LRP6: variants seen among roughly 807,000 people sequenced by gnomAD.
LRP6 encodes LDL receptor related protein 6, also known as low-density lipoprotein receptor-related protein 6.
Under a neutral mutation model 184.1 loss-of-function variants are expected in LRP6, and 43 were observed. The ratio of observed to expected loss-of-function variants is 0.23; its 90% confidence interval spans 0.18 to 0.30. The LOEUF (loss-of-function observed/expected upper bound fraction) is 0.30. LRP6 is among the 10% of genes least tolerant of loss of function. The pLI is 1.00. For missense variants in LRP6, 1,571 were observed against 2,005.3 expected (o/e 0.78, Z 4.14); for synonymous variants, 719 against 684.9 (o/e 1.05, Z -0.78).
intron 2 of LRP6, among the ~76,000 whole-genome samples, chr12:12,218,666 T>C (rs970961984): frequency 6.6e-6 from 1 of 151,768 alleles, no homozygotes; most frequent in Non-Finnish European, 1.5e-5. Context: ...TTATAACTTT[T>C]TAAAAAAGGA....
chr12:12,192,354 C>A (rs575528008), intron 3 of LRP6, among the ~76,000 whole-genome samples: 3 of 142,370 alleles, frequency 2.1e-5, no homozygotes, highest in Admixed American at 7.0e-5. Flanking sequence ...ATACAAAGGA[C>A]AAAGGAACAA....
chr12:12,149,017 T>A lies in LRP6; in HGVS notation c.3131A>T (p.Asp1044Val), dbSNP rs775619699. 1.6e-5 allele frequency: 26 copies of A among 1,614,048 alleles called. No homozygotes were observed. The highest frequency in any genetic ancestry group is 2.1e-5 in the Non-Finnish European group (25 of 1,180,002). The change falls in exon 14 of 23, where the codon GAT becomes GTT. Residue 1044 changes from aspartate to valine, a missense_variant. Asp to Val is a radical substitution (Grantham distance 152). This residue lies in a region of LRP6 where 763 missense variants were observed against 859.5 expected (regional missense o/e 0.89). Coordinates refer to ENST00000261349, the MANE Select transcript of LRP6 (RefSeq NM_002336.3). ...ATNVINVTRL[D>V]GRSVGVVLKG... ...CAGCACCACTCCAACTGATCTCCCA[T>A]CTAATCTTGTCACATTAATGACATT...
rs76493987 is a variant in LRP6, at chr12:12,195,546, G to C, written c.647+7657C>G. On this transcript the variant is annotated intron_variant, in intron 3 of 22. Transcript: ENST00000261349. ...ATTTCCCCATTTTTTAACCAAACTG[G>C]TTTTTTGCTGTTGAACTGTTTGAGT... Among the ~76,000 whole-genome samples the C allele has an allele frequency of 8.2e-3, 1,247 of 151,888 alleles. 9 individuals carry two copies. The highest frequency in any genetic ancestry group is 0.028 in the African/African-American group (1,181 of 41,476).
chr12:12,232,132 C>T (rs548818250), intron 2 of LRP6, among the ~76,000 whole-genome samples: 37 of 151,926 alleles, frequency 2.4e-4, no homozygotes, highest in African/African-American at 8.9e-4. Context: ...GACTGTAATC[C>T]CAGCACTTTA....
At chr12:12,153,144 T>C (rs1950103898) in intron 12 of LRP6, among the ~76,000 whole-genome samples, 1 of 152,218 alleles carries the variant, frequency 6.6e-6, no homozygotes, top group African/African-American at 2.4e-5. Flanking sequence ...TTTAAAAGAA[T>C]TATATTTTGG....
At chr12:12,260,377 CAAA>C (rs34452498) in intron 1 of LRP6, among the ~76,000 whole-genome samples, 5 of 129,708 alleles carry the variant, frequency 3.9e-5, no homozygotes, top group Non-Finnish European at 6.5e-5. Flanking sequence ...GACTCCGTCT[CAAA>C]AAAAAAAAAA....
intron 6 of LRP6, 57 bp downstream of exon 6, chr12:12,180,986 G>C (rs1863330499): frequency 1.3e-6 from 2 of 1,587,996 alleles, no homozygotes; most frequent in African/African-American, 1.3e-5. Flanking sequence ...AATGTTTTCA[G>C]GAACCTGTGA....
At chr12:12,169,691 C>T (rs961966211) in intron 7 of LRP6, among the ~76,000 whole-genome samples, 1 of 152,210 alleles carries the variant, frequency 6.6e-6, no homozygotes, top group Non-Finnish European at 1.5e-5. Flanking sequence ...GATTTGGTTG[C>T]TTTACTCACT....
At chr12:12,122,012 G>A (rs905432512) in intron 22 of LRP6, among the ~76,000 whole-genome samples, 18 of 152,122 alleles carry the variant, frequency 1.2e-4, no homozygotes, top group East Asian at 1.9e-4. Flanking sequence ...TGGGGGAAAC[G>A]GTTTTCATTC....
At chr12:12,159,988 T>A in intron 10 of LRP6, 24 bp from the exon 11 acceptor site, 1 of 1,532,552 alleles carries the variant, frequency 6.5e-7, no homozygotes, top group African/African-American at 1.4e-5. Flanking sequence ...AATAAATATT[T>A]AACATTTCAA....
intron 2 of LRP6, among the ~76,000 whole-genome samples, chr12:12,240,554 AGAGT>A (rs1358269127): frequency 2.6e-5 from 4 of 152,220 alleles, no homozygotes; most frequent in Non-Finnish European, 5.9e-5. Flanking sequence ...CCTGGGCAAC[AGAGT>A]GAGACTCCAT....
At position 12,120,954 on chromosome 12, in the gene LRP6, T is replaced by C. The variant is rs1949596282; in HGVS notation, c.*172A>G. ...CTGCTGTTTTAAGAAAATATATAAA[T>C]ATCCTTTTCTTCTGTACAAATATCT... On this transcript the variant is annotated 3_prime_UTR_variant, in exon 23 of 23. Transcript: ENST00000261349. The C allele has an allele frequency of 3.9e-6, 2 of 508,246 alleles. No homozygotes were observed. Among genetic ancestry groups the C allele is most frequent in the African/African-American group, 1.9e-5 (1 of 51,720 alleles). The allele number at this position is 508,246 out of a possible 1,614,324, so 31.5% of individuals were successfully genotyped here.
chr12:12,139,105 C>G (rs756503951), intron 15 of LRP6: 147 of 851,180 alleles, frequency 1.7e-4, no homozygotes, highest in Non-Finnish European at 2.2e-4. Flanking sequence ...TCATACCCCC[C>G]ACCCTGCTTT....
intron 2 of LRP6, among the ~76,000 whole-genome samples, chr12:12,231,180 CA>C (rs10661340): frequency 8.3e-3 from 195 of 23,540 alleles, no homozygotes; most frequent in African/African-American, 0.037. Context: ...GACTCCATCT[CA>C]AAAAAAAAAA....
rs147034749 is a variant in LRP6, at chr12:12,179,914, G to A, written c.1441C>T (p.Arg481Cys). Residue 481 changes from arginine to cysteine, a missense_variant, in exon 7 of 23, where the codon CGT becomes TGT. Around this residue, in one of 4 missense-constraint regions of LRP6, gnomAD observed 640 missense variants for 851.9 expected, o/e 0.75. Coordinates refer to ENST00000261349, the MANE Select transcript of LRP6 (RefSeq NM_002336.3). ...AGAGAAGTGTTAACCAATACTACAC[G>A]GTCAGAACCATCCAGAGCTGCTCGC... ...IERAALDGSD[R>C]VVLVNTSLGW... 1.1e-5 allele frequency: 17 copies of A among 1,613,846 alleles called. No individual in the cohort carries two copies. The highest frequency in any genetic ancestry group is 5.5e-5 in the South Asian group (5 of 91,076).
intron 2 of LRP6, among the ~76,000 whole-genome samples, chr12:12,227,836 A>G (rs1194822875): frequency 6.6e-6 from 1 of 152,214 alleles, no homozygotes; most frequent in Non-Finnish European, 1.5e-5. Context: ...GATGGAAGGG[A>G]GAAATTAGGA....
chr12:12,164,919 T>TTAAAAA (rs1280117813), intron 8 of LRP6, among the ~76,000 whole-genome samples, 160 bp downstream of exon 8: 2 of 57,076 alleles, frequency 3.5e-5, no homozygotes, highest in Admixed American at 4.2e-4. Flanking sequence ...CCCTTCTCAG[T>TTAAAAA]AAAAAAAAAA....
intron 1 of LRP6, among the ~76,000 whole-genome samples, chr12:12,261,989 T>C (rs939653934): frequency 6.6e-6 from 1 of 152,174 alleles, no homozygotes; most frequent in African/African-American, 2.4e-5. Context: ...ACGCCTGTAA[T>C]CCCAACACTT....
chr12:12,228,600 G>T (rs7959946), intron 2 of LRP6, among the ~76,000 whole-genome samples: 1,790 of 152,310 alleles, frequency 0.012, 29 homozygotes, highest in African/African-American at 0.041. Context: ...CAGCAGGCAA[G>T]CGAGCATTAC....
Sources: allele counts gnomAD v4.1 joint callset (sites outside exome capture counted in the v4.1 genomes callset), GRCh38; gene constraint gnomAD v4.1.1; regional missense constraint gnomAD v4.1.1; transcripts MANE v1.5; gene names NCBI Gene and HGNC (gene_info 2026-07-23, HGNC 2026-07-21).